Variants in PIK3AP1 observed in about 807,000 individuals in gnomAD.
PIK3AP1 encodes the protein phosphoinositide 3-kinase adapter protein 1.
In PIK3AP1, 21 loss-of-function variants were observed where a neutral mutation model predicts 88.1. That is an observed-to-expected ratio of 0.24 (90% confidence interval 0.17 to 0.34). The LOEUF (loss-of-function observed/expected upper bound fraction) is 0.34, where lower values mean the gene tolerates loss of function less well. PIK3AP1 is among the 10% of genes least tolerant of loss of function. The pLI is 1.00. For synonymous variants in PIK3AP1, 398 were observed against 400.0 expected (o/e 1.00, Z 0.06); for missense variants, 828 against 1,035.7 (o/e 0.80, Z 2.75).
chr10:96,619,973 G>C (rs1389208133), intron 12 of PIK3AP1, among the ~76,000 whole-genome samples: 3 of 152,210 alleles, frequency 2.0e-5, no homozygotes, highest in Non-Finnish European at 2.9e-5. Context: ...GAGTCATAAA[G>C]TGTGATAGTT....
At chr10:96,634,213 C>T (rs1014620817) in intron 8 of PIK3AP1, among the ~76,000 whole-genome samples, 4 of 152,142 alleles carry the variant, frequency 2.6e-5, no homozygotes, top group African/African-American at 9.7e-5. Flanking sequence ...CCAGACGATC[C>T]GAGGCACGGC....
At chr10:96,696,747 C>T (rs1163247934) in intron 2 of PIK3AP1, among the ~76,000 whole-genome samples, 1 of 152,158 alleles carries the variant, frequency 6.6e-6, no homozygotes, top group East Asian at 1.9e-4. Context: ...ATGTGATATA[C>T]TCCTAAGACT....
At chr10:96,642,216 C>A (rs1223721751) in intron 8 of PIK3AP1, among the ~76,000 whole-genome samples, 3 of 152,060 alleles carry the variant, frequency 2.0e-5, no homozygotes, top group African/African-American at 7.2e-5. Context: ...CTTGAGCTCA[C>A]AAGTTCAAGA....
chr10:96,638,480 A>ACACG (rs1843343461), intron 8 of PIK3AP1, among the ~76,000 whole-genome samples: 1 of 81,972 alleles, frequency 1.2e-5, no homozygotes, highest in South Asian at 5.8e-4. Context: ...AGACACACAC[A>ACACG]CACACACACA....
intron 2 of PIK3AP1, among the ~76,000 whole-genome samples, chr10:96,707,544 C>T (rs950370539): frequency 3.3e-5 from 5 of 152,136 alleles, no homozygotes; most frequent in Non-Finnish European, 7.4e-5. Flanking sequence ...CCGCCCGCCT[C>T]GGCCTCCCAA....
chr10:96,627,047 A>G (rs1004804151), intron 9 of PIK3AP1, 142 bp from the exon 10 acceptor site: 1 of 750,250 alleles, frequency 1.3e-6, no homozygotes, highest in Admixed American at 2.1e-5. Context: ...CACTTCCTGT[A>G]TCGTCTGCTC....
At chr10:96,659,674 G>T (rs1035007667) in intron 2 of PIK3AP1, among the ~76,000 whole-genome samples, 6 of 147,988 alleles carry the variant, frequency 4.1e-5, no homozygotes, top group Admixed American at 1.4e-4. Context: ...ACCAGCTTGG[G>T]CAACATAGTA....
At chr10:96,688,255 C>T (rs1310495744) in intron 2 of PIK3AP1, among the ~76,000 whole-genome samples, 2 of 152,090 alleles carry the variant, frequency 1.3e-5, no homozygotes, top group African/African-American at 4.8e-5. Flanking sequence ...AAACACACCA[C>T]CTGAGCCCTC....
intron 14 of PIK3AP1, among the ~76,000 whole-genome samples, chr10:96,608,419 G>A (rs1437649636): frequency 6.6e-6 from 1 of 152,212 alleles, no homozygotes; most frequent in African/African-American, 2.4e-5. Flanking sequence ...TATGTAAGAG[G>A]AAGTTTTCTC....
chr10:96,709,525 C>T (rs2134291014), intron 2 of PIK3AP1, 42 bp downstream of exon 2: 1 of 1,554,936 alleles, frequency 6.4e-7, no homozygotes, highest in Non-Finnish European at 8.7e-7. Context: ...CCTGGATTAG[C>T]AACTTTTCTA....
chr10:96,685,328 C>G (rs570249436), intron 2 of PIK3AP1, among the ~76,000 whole-genome samples: 158 of 152,334 alleles, frequency 1.0e-3, no homozygotes, highest in Admixed American at 1.8e-3. Context: ...AAATCTCCCC[C>G]ATCCTGGTAC....
At chr10:96,600,119 C>T (rs1848861276) in intron 16 of PIK3AP1, among the ~76,000 whole-genome samples, 1 of 152,130 alleles carries the variant, frequency 6.6e-6, no homozygotes, top group African/African-American at 2.4e-5. Context: ...GAACCTCCTC[C>T]CCTAATACTG....
At chr10:96,668,227 C>T (rs546401293) in intron 2 of PIK3AP1, among the ~76,000 whole-genome samples, 11 of 152,088 alleles carry the variant, frequency 7.2e-5, no homozygotes, top group Non-Finnish European at 1.5e-4. Flanking sequence ...AAAAATTAAC[C>T]GCATACACCA....
chr10:96,711,639 G>T (rs1391596174), intron 1 of PIK3AP1, among the ~76,000 whole-genome samples: 2 of 151,008 alleles, frequency 1.3e-5, no homozygotes, highest in South Asian at 4.2e-4. Flanking sequence ...GAATCCTCTT[G>T]CCTGCCCCCA....
rs146702390 is a variant in PIK3AP1, at chr10:96,668,955, C to G, written c.431-12021G>C. 4.3e-3 allele frequency among the ~76,000 whole-genome samples: 650 copies of G among 152,118 alleles called. 4 individuals are homozygous for G. The highest frequency in any genetic ancestry group is 0.015 in the African/African-American group (615 of 41,474). ...GACTAGCCTGGCCAACATGGTGAAA[C>G]CCCATCTCTACTAAAAATATACAAA... On this transcript the variant is annotated intron_variant, in intron 2 of 16. Transcript: ENST00000339364.
At chr10:96,627,958 T>A (rs1343008111) in intron 9 of PIK3AP1, among the ~76,000 whole-genome samples, 1 of 152,158 alleles carries the variant, frequency 6.6e-6, no homozygotes, top group East Asian at 1.9e-4. Context: ...CTAACCACTA[T>A]ACAACACAGC....
chr10:96,645,411 C>T (rs907437363), intron 8 of PIK3AP1, 62 bp downstream of exon 8: 17 of 1,565,252 alleles, frequency 1.1e-5, no homozygotes, highest in South Asian at 6.9e-5. Flanking sequence ...CATCTTCATC[C>T]GGAATGAAAA....
intron 7 of PIK3AP1, among the ~76,000 whole-genome samples, chr10:96,646,362 G>GC (rs1843460410): frequency 6.6e-6 from 1 of 151,950 alleles, no homozygotes; most frequent in Non-Finnish European, 1.5e-5. Context: ...ACTACTGCTT[G>GC]AGAAAGGTAT....
At chr10:96,713,377 A>T (rs1844462585) in intron 1 of PIK3AP1, among the ~76,000 whole-genome samples, 1 of 151,542 alleles carries the variant, frequency 6.6e-6, no homozygotes, top group Non-Finnish European at 1.5e-5. Flanking sequence ...TGTGGCAGGC[A>T]CCTGTAGTCC....
Sources: allele counts gnomAD v4.1 joint callset (sites outside exome capture counted in the v4.1 genomes callset), GRCh38; gene constraint gnomAD v4.1.1; transcripts MANE v1.5; gene names NCBI Gene and HGNC (gene_info 2026-07-23, HGNC 2026-07-21).